The following UBE4B variants were observed in gnomAD, a reference collection of about 807,000 sequenced individuals.
UBE4B encodes the protein ubiquitination factor E4B.
In UBE4B, 27 loss-of-function variants were observed where a neutral mutation model predicts 148.1. The ratio of observed to expected loss-of-function variants is 0.18; its 90% CI spans 0.13 to 0.25. The LOEUF (loss-of-function observed/expected upper bound fraction) is 0.25, where lower values mean the gene tolerates loss of function less well. Ranked by LOEUF, UBE4B falls within the 10% of genes least tolerant of loss-of-function variation. UBE4B has a pLI of 1.00. For missense variants in UBE4B, 1,170 were observed against 1,662.4 expected (o/e 0.70, Z 5.15); for synonymous variants, 596 against 619.3 (o/e 0.96, Z 0.56).
intron 1 of UBE4B, among the ~76,000 whole-genome samples, chr1:10,055,190 T>C (rs2101801192): frequency 6.6e-6 from 1 of 152,282 alleles, no homozygotes; most frequent in South Asian, 2.1e-4. Context: ...ATGATTAGAA[T>C]GGGTTGTGAG....
intron 15 of UBE4B, among the ~76,000 whole-genome samples, chr1:10,134,236 C>T (rs936398577): frequency 1.1e-4 from 17 of 151,972 alleles, no homozygotes; most frequent in African/African-American, 3.9e-4. Flanking sequence ...AATGGCCAAG[C>T]GTGGTGGCTC....
chr1:10,050,391 A>T (rs991808870), intron 1 of UBE4B, among the ~76,000 whole-genome samples: 1 of 152,104 alleles, frequency 6.6e-6, no homozygotes, highest in Admixed American at 6.6e-5. Flanking sequence ...AGGTTTTGAG[A>T]TATATCAGGC....
intron 21 of UBE4B, among the ~76,000 whole-genome samples, chr1:10,154,287 G>A (rs914896184): frequency 6.6e-6 from 1 of 150,798 alleles, no homozygotes; most frequent in Non-Finnish European, 1.5e-5. Context: ...GCCGGGTGAC[G>A]CATGCGTGTA....
chr1:10,156,473 C>G (rs1323809722), intron 21 of UBE4B, among the ~76,000 whole-genome samples: 2 of 152,056 alleles, frequency 1.3e-5, no homozygotes, highest in East Asian at 1.9e-4. Flanking sequence ...CTCCTGAGCT[C>G]AAGTGATCTG....
intron 9 of UBE4B, among the ~76,000 whole-genome samples, chr1:10,120,613 G>T (rs1273827147): frequency 1.3e-5 from 2 of 152,114 alleles, no homozygotes; most frequent in Non-Finnish European, 2.9e-5. Flanking sequence ...AAGGCAGATG[G>T]ATTGCCTGAG....
rs1190022743 is a variant in UBE4B at position 10,105,638 on chromosome 1, G to A, written c.703G>A (p.Ala235Thr). 2 of 1,614,212 alleles carry A rather than the reference G, an allele frequency of 1.2e-6. No individual in the cohort carries two copies. The highest frequency in any genetic ancestry group is 1.1e-5 in the South Asian group (1 of 91,084). Residue 235 changes from alanine to threonine, a missense_variant, in exon 6 of 28, where the codon GCA (alanine) becomes ACA (threonine). Transcript: ENST00000343090. ...AGCCACATCACAGCCAATTGCTGCA[G>A]CAGCACGGTCACCAGACAGAAATCT... ...LTATSQPIAA[A>T]ARSPDRNLLL...
chr1:10,052,709 G>A (rs1452221258), intron 1 of UBE4B, among the ~76,000 whole-genome samples: 2 of 152,150 alleles, frequency 1.3e-5, no homozygotes, highest in Non-Finnish European at 2.9e-5. Context: ...TCTGTAGCTG[G>A]TCTTGGTTGT....
Position 10,033,586 on chromosome 1 carries a change from A to T in UBE4B, c.-85A>T, listed in dbSNP as rs1643383836. The T allele has an allele frequency of 1.4e-6, 2 of 1,417,546 alleles. No homozygotes were observed. Among genetic ancestry groups the T allele is most frequent in the South Asian group, 1.6e-5 (1 of 63,836 alleles). 87.8% of individuals were successfully genotyped at this position (1,417,546 alleles called of 1,614,324 possible). On this transcript the variant is annotated 5_prime_UTR_variant, in exon 1 of 28. Transcript: ENST00000343090. Reference sequence around the variant, plus strand: ...TTCGGGGGACCAGACAGCCTGATAGACACCTTCCACTCTCCTTCCTCCCGC... The same window carrying T: ...TTCGGGGGACCAGACAGCCTGATAGTCACCTTCCACTCTCCTTCCTCCCGC...
At chr1:10,059,495 C>A in intron 1 of UBE4B, 1 of 216,236 alleles carries the variant, frequency 4.6e-6, no homozygotes, top group Non-Finnish European at 9.9e-6. Flanking sequence ...GAGGCTCTCC[C>A]GGAAGGGGCC....
chr1:10,120,242 C>T (rs1193547707), intron 9 of UBE4B, among the ~76,000 whole-genome samples: 1 of 152,110 alleles, frequency 6.6e-6, no homozygotes, highest in African/African-American at 2.4e-5. Flanking sequence ...AAGTTTAGGC[C>T]GAGCATGGTG....
rs1489382966 is a variant in UBE4B, at chr1:10,149,285, A to G, written c.2690+3A>G. On this transcript the variant is annotated splice_donor_region_variant and intron_variant, in intron 20 of 27. Coordinates refer to ENST00000343090, the MANE Select transcript of UBE4B (RefSeq NM_001105562.3). ...GAATTTTTATTTTTTATTGTACAGT[A>G]AGTGCCTTTAATATTTTACATAGTT... 6.3e-7 allele frequency: 1 copy of G among 1,588,548 alleles called. No individual in the cohort carries two copies. Among genetic ancestry groups the G allele is most frequent in the Non-Finnish European group, 8.6e-7 (1 of 1,167,020 alleles).
chr1:10,167,078 G>C (rs1007804459), intron 23 of UBE4B, among the ~76,000 whole-genome samples: 1 of 151,938 alleles, frequency 6.6e-6, no homozygotes, highest in Non-Finnish European at 1.5e-5. Context: ...GTTACAGTGA[G>C]CCGAGATTGT....
In UBE4B at chr1:10,103,077, C is replaced by G. The variant is rs996397895; in HGVS notation, c.565C>G (p.Gln189Glu). 4.4e-6 allele frequency: 7 copies of G among 1,606,504 alleles called. No individual in the cohort carries two copies. Among genetic ancestry groups the G allele is most frequent in the African/African-American group, 4.0e-5 (3 of 74,894 alleles). The change falls in exon 5 of 28, where the codon CAG (glutamine) becomes GAG (glutamate). Residue 189 changes from glutamine (Q) to glutamate (E), a missense_variant. This residue lies in a region of UBE4B where 91 missense variants were observed against 120.5 expected (regional missense o/e 0.76). Coordinates refer to ENST00000343090, the MANE Select transcript of UBE4B (RefSeq NM_001105562.3). ...FLSSLSAQFK[Q>E]NPKEVFSDFK... ...TTCTTCTCTTTCTGCACAGTTTAAGCAGAACCCAAAAGAAGGTAGGAATCT... is the reference window on the plus strand; with the variant it reads ...TTCTTCTCTTTCTGCACAGTTTAAGGAGAACCCAAAAGAAGGTAGGAATCT...
At chr1:10,156,366 T>G (rs1385605616) in intron 21 of UBE4B, among the ~76,000 whole-genome samples, 2 of 151,490 alleles carry the variant, frequency 1.3e-5, no homozygotes, top group African/African-American at 4.8e-5. Context: ...CAGCCTCCCC[T>G]GTAGCTGGGA....
In UBE4B at chr1:10,106,479, C is replaced by T. The variant is rs781689604; in HGVS notation, c.1092C>T (p.Pro364=). 23 of 1,613,724 alleles carry T rather than the reference C, an allele frequency of 1.4e-5. No individual in the cohort carries two copies. The highest frequency in any genetic ancestry group is 4.5e-5 in the East Asian group (2 of 44,888). The change falls in exon 7 of 28, where the codon CCC becomes CCT. Residue 364 remains proline (P), a synonymous_variant. Transcript: ENST00000343090. This position sits in a 1 kb window ranked among gnomAD's most constrained non-coding sequence, Gnocchi z 4.2. Reference sequence around the variant, plus strand: ...TCGCCAGTAGCCCCCAAGCAGTGCCCGCCAGCAGTTCCAGACAGAGGCCCA... The same window carrying T: ...TCGCCAGTAGCCCCCAAGCAGTGCCTGCCAGCAGTTCCAGACAGAGGCCCA... ...PALASSPQAV[P]ASSSRQRPSS... is the part of the protein sequence containing the mutation.
intron 12 of UBE4B, among the ~76,000 whole-genome samples, chr1:10,129,942 G>A (rs779799059): frequency 2.7e-5 from 4 of 150,426 alleles, no homozygotes; most frequent in South Asian, 2.1e-4. Context: ...GTGAGCCACC[G>A]CACCGGGCCT....
chr1:10,174,148 C>T (rs1646379633), intron 25 of UBE4B, among the ~76,000 whole-genome samples: 1 of 152,152 alleles, frequency 6.6e-6, no homozygotes, highest in African/African-American at 2.4e-5. Context: ...GTAATCCCAG[C>T]ACTTTGGGAG....
At chr1:10,121,937 G>C (rs753322853) in intron 9 of UBE4B, 25 bp from the exon 10 acceptor site, 7 of 1,529,990 alleles carry the variant, frequency 4.6e-6, no homozygotes, top group Non-Finnish European at 6.3e-6. Context: ...CTTCATCACC[G>C]TCCCTAATGT....
At chr1:10,094,680 C>T (rs1047149994) in intron 2 of UBE4B, among the ~76,000 whole-genome samples, 2 of 152,122 alleles carry the variant, frequency 1.3e-5, no homozygotes, top group Middle Eastern at 3.4e-3. Flanking sequence ...GTGATTCACC[C>T]GCCTCGACCT....
Sources: allele counts gnomAD v4.1 joint callset (sites outside exome capture counted in the v4.1 genomes callset), GRCh38; gene constraint gnomAD v4.1.1; regional missense constraint gnomAD v4.1.1; non-coding constraint Gnocchi (gnomAD v3.1); transcripts MANE v1.5; gene names NCBI Gene and HGNC (gene_info 2026-07-23, HGNC 2026-07-21).